Variants in SNTB1 observed in about 807,000 individuals in gnomAD.
The protein encoded by SNTB1 is syntrophin beta 1.
Under a neutral mutation model 48.9 loss-of-function variants are expected in SNTB1, and 36 were observed. The ratio of observed to expected loss-of-function variants is 0.74; its 90% confidence interval spans 0.56 to 0.97. The LOEUF is 0.97. Among genes scored for constraint, SNTB1 ranks in the 50% least tolerant of loss-of-function variants. The pLI is 0.00. For synonymous variants in SNTB1, 299 were observed against 294.6 expected (o/e 1.01, Z -0.15); for missense variants, 786 against 703.4 (o/e 1.12, Z -1.33).
intron 1 of SNTB1, among the ~76,000 whole-genome samples, chr8:120,746,728 T>C (rs1819131318): frequency 6.6e-6 from 1 of 152,226 alleles, no homozygotes; most frequent in Non-Finnish European, 1.5e-5. Context: ...AATAATGATT[T>C]CTTTCCGTTA....
intron 3 of SNTB1, among the ~76,000 whole-genome samples, chr8:120,585,360 T>A (rs981082048): frequency 4.6e-5 from 7 of 152,192 alleles, no homozygotes; most frequent in Non-Finnish European, 1.0e-4. Context: ...ATGCTTCTCT[T>A]TGGAGCTCTT....
rs562796192 is a variant in SNTB1, at chr8:120,705,173, C to T, written c.572-11265G>A. Among the ~76,000 whole-genome samples the T allele has an allele frequency of 1.4e-4, 22 of 152,302 alleles. 1 individual carries two copies. The highest frequency in any genetic ancestry group is 4.6e-4 in the African/African-American group (19 of 41,568). On this transcript the variant is annotated intron_variant, in intron 1 of 6. Coordinates refer to ENST00000517992, the MANE Select transcript of SNTB1 (RefSeq NM_021021.4). Reference sequence around the variant, plus strand: ...GACAGACATTAGCACAAAAGAGTGACGTGCATAAACTTTGGAGTCTGACCC... The same window carrying T: ...GACAGACATTAGCACAAAAGAGTGATGTGCATAAACTTTGGAGTCTGACCC...
chr8:120,641,964 C>T (rs1358426554), intron 2 of SNTB1, among the ~76,000 whole-genome samples: 3 of 151,716 alleles, frequency 2.0e-5, no homozygotes, highest in African/African-American at 7.3e-5. Flanking sequence ...AGGTCCCATA[C>T]TTTTTGGCAG....
chr8:120,560,026 G>GGGC lies in SNTB1; in HGVS notation c.1137-11071_1137-11069dup, dbSNP rs1815626630. Among the ~76,000 whole-genome samples the GGGC allele has an allele frequency of 3.9e-5, 6 of 152,218 alleles. No individual in the cohort carries two copies. The South Asian group carries it at 1.2e-3, about 32-fold the overall frequency. On this transcript the variant is annotated intron_variant, in intron 4 of 6. Coordinates refer to ENST00000517992, the MANE Select transcript of SNTB1 (RefSeq NM_021021.4). Reference sequence around the variant, plus strand: ...CCACTGGCCACCCCTAATGGAGTCTGGGCGTCAAGAGACCCTTCAGGAAAG... The same window carrying GGGC: ...CCACTGGCCACCCCTAATGGAGTCTGGGCGGCGTCAAGAGACCCTTCAGGAAAG...
At chr8:120,735,036 G>T (rs1471767499) in intron 1 of SNTB1, among the ~76,000 whole-genome samples, 1 of 152,136 alleles carries the variant, frequency 6.6e-6, no homozygotes, top group African/African-American at 2.4e-5. Flanking sequence ...CTACTTAGGG[G>T]CACTTAAGAA....
At chr8:120,610,046 C>G (rs1008861540) in intron 3 of SNTB1, among the ~76,000 whole-genome samples, 1 of 152,198 alleles carries the variant, frequency 6.6e-6, no homozygotes, top group Non-Finnish European at 1.5e-5. Flanking sequence ...TCACATTTTT[C>G]TAGTTAATCA....
chr8:120,560,695 T>C (rs1815638036), intron 4 of SNTB1, among the ~76,000 whole-genome samples: 2 of 152,154 alleles, frequency 1.3e-5, no homozygotes, highest in Admixed American at 6.5e-5. Flanking sequence ...TGGAGACAAG[T>C]GACTGTCCTC....
intron 3 of SNTB1, among the ~76,000 whole-genome samples, chr8:120,621,540 T>C (rs950965677): frequency 6.6e-6 from 1 of 152,120 alleles, no homozygotes; most frequent in African/African-American, 2.4e-5. Flanking sequence ...CAAAATAAAG[T>C]AGTAGGTTGG....
chr8:120,569,044 C>T (rs1207656171), intron 4 of SNTB1, among the ~76,000 whole-genome samples: 2 of 152,168 alleles, frequency 1.3e-5, no homozygotes, highest in African/African-American at 4.8e-5. Flanking sequence ...TGCAGTGGCG[C>T]GATCTCGGCT....
At chr8:120,580,211 C>T (rs1279759964) in intron 3 of SNTB1, among the ~76,000 whole-genome samples, 1 of 152,142 alleles carries the variant, frequency 6.6e-6, no homozygotes, top group African/African-American at 2.4e-5. Context: ...CGCTTCATAC[C>T]AACTCACTCT....
chr8:120,540,033 A>G (rs1488446403), intron 6 of SNTB1, among the ~76,000 whole-genome samples: 1 of 152,194 alleles, frequency 6.6e-6, no homozygotes, highest in Admixed American at 6.5e-5. Flanking sequence ...ACAACATTCT[A>G]TGTCACTAAC....
intron 1 of SNTB1, among the ~76,000 whole-genome samples, chr8:120,754,386 C>G (rs2130043603): frequency 6.6e-6 from 1 of 152,130 alleles, no homozygotes; most frequent in South Asian, 2.1e-4. Context: ...GTAGTACCAG[C>G]TCCTGGGGAG....
At chr8:120,757,720 G>A (rs908362310) in intron 1 of SNTB1, among the ~76,000 whole-genome samples, 5 of 152,232 alleles carry the variant, frequency 3.3e-5, no homozygotes, top group Admixed American at 1.3e-4. Flanking sequence ...TCTAGTGAGG[G>A]TATCTTTCCT....
chr8:120,776,846 T>A (rs1028183120), intron 1 of SNTB1: 2 of 152,188 alleles, frequency 1.3e-5, no homozygotes, highest in South Asian at 4.1e-4. Context: ...GGGCTCTGCA[T>A]ACTTCATTGG....
At chr8:120,672,122 A>C (rs1817768013) in intron 2 of SNTB1, among the ~76,000 whole-genome samples, 1 of 151,866 alleles carries the variant, frequency 6.6e-6, no homozygotes, top group Non-Finnish European at 1.5e-5. Flanking sequence ...GATTTTGCTC[A>C]ACTGTAGGCT....
intron 1 of SNTB1, among the ~76,000 whole-genome samples, chr8:120,719,011 C>G (rs1422992924): frequency 6.6e-6 from 1 of 152,182 alleles, no homozygotes; most frequent in African/African-American, 2.4e-5. Context: ...CAGAAGCAAA[C>G]AGCAAGGTAA....
At position 120,761,255 on chromosome 8, in the gene SNTB1, GACA is replaced by G. The variant is rs1163938587; in HGVS notation, c.571+50015_571+50017del. The G allele has an allele frequency of 2.0e-5, 3 of 152,218 alleles. No homozygotes were observed. The East Asian group carries it at 5.8e-4, about 29-fold the overall frequency. The allele number at this position is 152,218 out of a possible 1,614,324, so 9.4% of individuals were successfully genotyped here. ...TAAAGGAGTCTCCAGGGAAACCCAA[GACA>G]ACAGGGACCCCCTAAAAACAAGGAC... On this transcript the variant is annotated intron_variant, in intron 1 of 6. Transcript: ENST00000517992.
At chr8:120,678,031 C>G (rs1467821893) in intron 2 of SNTB1, among the ~76,000 whole-genome samples, 1 of 151,952 alleles carries the variant, frequency 6.6e-6, no homozygotes, top group Non-Finnish European at 1.5e-5. Context: ...CACTGCTTGG[C>G]CTTTATTGTG....
At chr8:120,764,878 C>G (rs1002962897) in intron 1 of SNTB1, among the ~76,000 whole-genome samples, 5 of 152,096 alleles carry the variant, frequency 3.3e-5, no homozygotes, top group African/African-American at 9.7e-5. Context: ...TCTTTCTTCA[C>G]AAACATTAGA....
Sources: allele counts gnomAD v4.1 joint callset (sites outside exome capture counted in the v4.1 genomes callset), GRCh38; gene constraint gnomAD v4.1.1; transcripts MANE v1.5; gene names NCBI Gene and HGNC (gene_info 2026-07-23, HGNC 2026-07-21).